DPYSL5: variants seen among roughly 807,000 people sequenced by gnomAD.
DPYSL5 encodes the protein dihydropyrimidinase-related protein 5.
DPYSL5 carries 9 observed loss-of-function variants against 58.4 expected under a neutral mutation model. The ratio of observed to expected loss-of-function variants is 0.15; its 90% CI spans 0.09 to 0.27. DPYSL5 has a LOEUF of 0.27. Ranked by LOEUF, DPYSL5 falls within the 10% of genes least tolerant of loss-of-function variation. The pLI, the probability that DPYSL5 is intolerant of heterozygous loss-of-function variation, is 1.00. For synonymous variants in DPYSL5, 293 were observed against 301.9 expected (o/e 0.97, Z 0.31); for missense variants, 499 against 770.6 (o/e 0.65, Z 4.17).
At chr2:26,900,218 C>T (rs1330303783) in intron 2 of DPYSL5, among the ~76,000 whole-genome samples, 1 of 152,182 alleles carries the variant, frequency 6.6e-6, no homozygotes, top group Non-Finnish European at 1.5e-5. Flanking sequence ...CAGGGATAAC[C>T]ACTATCCTGA....
chr2:26,934,911 C>T lies in DPYSL5; in HGVS notation c.947+177C>T, dbSNP rs778549610. On this transcript the variant is annotated intron_variant, in intron 8 of 12. Coordinates refer to ENST00000288699, the MANE Select transcript of DPYSL5 (RefSeq NM_020134.4). The surrounding 1 kb of genome is among the most constrained non-coding windows in gnomAD (Gnocchi z 4.3). The stretch of plus-strand genomic sequence containing the variant: ...TGCCATCCTATTGGGATTTTATGAC[C>T]GCTTGATATGGAGTGAGATCTTCTG... Among the ~76,000 whole-genome samples, 11 of 151,872 alleles carry T rather than the reference C, an allele frequency of 7.2e-5. No homozygotes were observed. Among genetic ancestry groups the T allele is most frequent in the Admixed American group, 2.0e-4 (3 of 15,236 alleles).
At chr2:26,875,953 C>T (rs986924090) in intron 1 of DPYSL5, among the ~76,000 whole-genome samples, 2 of 152,084 alleles carry the variant, frequency 1.3e-5, no homozygotes, top group African/African-American at 4.8e-5. Flanking sequence ...GAGATGTAGA[C>T]GTATTCATCT....
chr2:26,941,233 C>T (rs1267627678), intron 9 of DPYSL5, among the ~76,000 whole-genome samples: 2 of 152,098 alleles, frequency 1.3e-5, no homozygotes, highest in Admixed American at 6.6e-5. Context: ...CCACTGCACC[C>T]GGCCTCTGAT....
At chr2:26,859,001 T>A (rs901053368) in intron 1 of DPYSL5, among the ~76,000 whole-genome samples, 1 of 152,240 alleles carries the variant, frequency 6.6e-6, no homozygotes, top group African/African-American at 2.4e-5. Flanking sequence ...TTTGTCCATA[T>A]GTTTACATAA....
At position 26,848,257 on chromosome 2, in the gene DPYSL5, G is replaced by C. The variant is rs1665648023; in HGVS notation, c.-5+3G>C. On this transcript the variant is annotated splice_donor_region_variant and intron_variant, in intron 1 of 12. Coordinates refer to ENST00000288699, the MANE Select transcript of DPYSL5 (RefSeq NM_020134.4). ...CGCGGCCGCAGCATCTCGGAGGAGT[G>C]GGTGATGGCAGGGGGGTCGGTGGGC... is the stretch of plus-strand genomic sequence containing the variant. 6.6e-6 allele frequency: 1 copy of C among 152,290 alleles called. No individual in the cohort carries two copies. The highest frequency in any genetic ancestry group is 1.5e-5 in the Non-Finnish European group (1 of 68,092). 9.4% of individuals were successfully genotyped at this position (152,290 alleles called of 1,614,324 possible).
At chr2:26,861,134 C>T (rs1666000956) in intron 1 of DPYSL5, among the ~76,000 whole-genome samples, 1 of 152,182 alleles carries the variant, frequency 6.6e-6, no homozygotes, top group South Asian at 2.1e-4. Flanking sequence ...AAGACACAAG[C>T]ATACAGAGTT....
intron 2 of DPYSL5, among the ~76,000 whole-genome samples, chr2:26,908,475 G>T (rs530838795): frequency 6.6e-6 from 1 of 152,156 alleles, no homozygotes; most frequent in Admixed American, 6.5e-5. Context: ...TTCATTCTAC[G>T]TGTACATTAA....
intron 1 of DPYSL5, among the ~76,000 whole-genome samples, chr2:26,866,671 A>G (rs1399958968): frequency 2.0e-5 from 3 of 152,016 alleles, no homozygotes; most frequent in African/African-American, 7.2e-5. Flanking sequence ...AACCCCCCAA[A>G]TATGTACAAC....
intron 1 of DPYSL5, among the ~76,000 whole-genome samples, chr2:26,861,324 A>C (rs769866029): frequency 2.0e-5 from 3 of 152,220 alleles, no homozygotes; most frequent in African/African-American, 4.8e-5. Context: ...ACTGTAGGAC[A>C]CAGAAGATGA....
chr2:26,932,208 A>AAG (rs1665046900), intron 6 of DPYSL5, among the ~76,000 whole-genome samples: 1 of 70,170 alleles, frequency 1.4e-5, no homozygotes, highest in Non-Finnish European at 3.0e-5. Flanking sequence ...AGAAAGAAAG[A>AAG]AAAGAAAGAA....
chr2:26,944,564 A>C lies in DPYSL5; in HGVS notation c.1441-92A>C. On this transcript the variant is annotated intron_variant, in intron 11 of 12. Transcript: ENST00000288699. The surrounding 1 kb of genome is among the most constrained non-coding windows in gnomAD (Gnocchi z 4.4). The stretch of plus-strand genomic sequence containing the variant: ...GTCTTGGGCAGAGTGGCAGTGTCTA[A>C]TGTCCCACCGGCCCCCAGGGAGGCC... 3 of 1,441,510 alleles carry C rather than the reference A, an allele frequency of 2.1e-6. No individual in the cohort carries two copies. The highest frequency in any genetic ancestry group is 2.8e-6 in the Non-Finnish European group (3 of 1,055,812). 89.3% of individuals were successfully genotyped at this position (1,441,510 alleles called of 1,614,324 possible).
chr2:26,911,582 A>G (rs1664442860), intron 2 of DPYSL5, among the ~76,000 whole-genome samples: 2 of 152,236 alleles, frequency 1.3e-5, no homozygotes, highest in South Asian at 2.1e-4. Flanking sequence ...GTAAATTACA[A>G]TGACATCAAG....
chr2:26,932,030 G>GA (rs1450661549), intron 6 of DPYSL5, among the ~76,000 whole-genome samples: 1 of 47,396 alleles, frequency 2.1e-5, no homozygotes, highest in Non-Finnish European at 4.5e-5. Flanking sequence ...AAAAAAGAAA[G>GA]AAAAGAAAAG....
rs1342783483 is a variant in DPYSL5, at chr2:26,942,827, CAAA to C, written c.1440+78_1440+80del. The stretch of plus-strand genomic sequence containing the variant: ...CATCCTCCATGACTGTTTTAAATCT[CAAA>C]GAGATGTTCACTCCAGTTTTCGACC... On this transcript the variant is annotated intron_variant, in intron 11 of 12. Coordinates refer to ENST00000288699, the MANE Select transcript of DPYSL5 (RefSeq NM_020134.4). The surrounding 1 kb of genome is among the most constrained non-coding windows in gnomAD (Gnocchi z 5.9). The C allele has an allele frequency of 6.9e-5, 104 of 1,516,252 alleles. No homozygotes were observed. The highest frequency in any genetic ancestry group is 9.1e-5 in the Non-Finnish European group (101 of 1,104,282). 93.9% of individuals were successfully genotyped at this position (1,516,252 alleles called of 1,614,324 possible).
At chr2:26,885,483 C>A (rs74748115) in intron 1 of DPYSL5, among the ~76,000 whole-genome samples, 3 of 152,260 alleles carry the variant, frequency 2.0e-5, no homozygotes, top group South Asian at 4.1e-4. Context: ...GGTACAAACG[C>A]CCCAGTCCAG....
intron 1 of DPYSL5, among the ~76,000 whole-genome samples, chr2:26,864,870 C>G (rs568424755): frequency 4.5e-4 from 68 of 152,138 alleles, no homozygotes; most frequent in Non-Finnish European, 7.6e-4. Flanking sequence ...CTTCCTGACT[C>G]TTCGCCTTTG....
At chr2:26,851,915 C>T (rs1665767058) in intron 1 of DPYSL5, among the ~76,000 whole-genome samples, 1 of 152,030 alleles carries the variant, frequency 6.6e-6, no homozygotes, top group Non-Finnish European at 1.5e-5. Flanking sequence ...CCACTGCACT[C>T]CAGCCTGGGC....
At chr2:26,941,472 A>G (rs1168771649) in intron 9 of DPYSL5, among the ~76,000 whole-genome samples, 2 of 152,200 alleles carry the variant, frequency 1.3e-5, no homozygotes, top group African/African-American at 4.8e-5. Context: ...CCCCAAAGAG[A>G]TTTGAAGTTC....
At position 26,934,357 on chromosome 2, in the gene DPYSL5, G is replaced by C. The variant is rs879891564; in HGVS notation, c.791-221G>C. 1.1e-4 allele frequency among the ~76,000 whole-genome samples: 17 copies of C among 152,178 alleles called. No homozygotes were observed. Among genetic ancestry groups the C allele is most frequent in the African/African-American group, 4.1e-4 (17 of 41,444 alleles). On this transcript the variant is annotated intron_variant, in intron 7 of 12. Coordinates refer to ENST00000288699, the MANE Select transcript of DPYSL5 (RefSeq NM_020134.4). The surrounding 1 kb of genome is among the most constrained non-coding windows in gnomAD (Gnocchi z 4.3). Reference sequence around the variant, plus strand: ...TCAAAGTGCCGCTTGGTCCTGCTGGGCCTCGGTGCCCATGTCCCTCTGTCC... The same window carrying C: ...TCAAAGTGCCGCTTGGTCCTGCTGGCCCTCGGTGCCCATGTCCCTCTGTCC...
Sources: gnomAD v4.1 joint callset for allele counts (sites outside exome capture counted in the v4.1 genomes callset) on GRCh38, gnomAD v4.1.1 for gene constraint, Gnocchi (gnomAD v3.1) non-coding constraint, MANE v1.5 for transcripts, NCBI Gene and HGNC (gene_info 2026-07-23, HGNC 2026-07-21) for gene names.